ABCB4: variants seen among roughly 807,000 people sequenced by gnomAD.
ABCB4 encodes ATP binding cassette subfamily B member 4.
A neutral mutation model predicts 145.7 loss-of-function variants in ABCB4; 76 were observed. The ratio of observed to expected loss-of-function variants is 0.52; its 90% CI spans 0.43 to 0.63. The LOEUF (loss-of-function observed/expected upper bound fraction) is 0.63, where lower values mean the gene tolerates loss of function less well. Ranked by LOEUF, ABCB4 falls within the 30% of genes least tolerant of loss-of-function variation. The pLI, the probability that ABCB4 is intolerant of heterozygous loss-of-function variation, is 0.00. For missense variants in ABCB4, 1,234 were observed against 1,553.1 expected, an observed-to-expected ratio of 0.79 and a Z score of 3.45; for synonymous variants, 517 against 566.8, an observed-to-expected ratio of 0.91 and a Z score of 1.25.
chr7:87,402,768 G>A (rs775162536), intron 27 of ABCB4, among the ~76,000 whole-genome samples: 3 of 152,122 alleles, frequency 2.0e-5, no homozygotes, highest in East Asian at 3.9e-4. Context: ...TTGGGAGGCC[G>A]AGGCAGGCGG....
At chr7:87,422,371 C>T (rs773065702) in intron 17 of ABCB4, 146 bp from the exon 18 acceptor site, 45 of 711,194 alleles carry the variant, frequency 6.3e-5, no homozygotes, top group Non-Finnish European at 1.0e-4. Context: ...ATATACATAA[C>T]ACAAAATTTA....
the ABCB4 span, among the ~76,000 whole-genome samples, chr7:87,372,468 A>G: frequency 6.6e-6 from 1 of 152,156 alleles, no homozygotes; most frequent in African/African-American, 2.4e-5. Flanking sequence ...ATTCAAAGCC[A>G]CTCTTCCAGA....
chr7:87,433,911 T>C (rs1437637546), intron 14 of ABCB4, among the ~76,000 whole-genome samples: 1 of 151,668 alleles, frequency 6.6e-6, no homozygotes, highest in Middle Eastern at 3.4e-3. Flanking sequence ...TTTATAAAAA[T>C]CACCATAAAA....
the ABCB4 span, chr7:87,375,586 C>A: frequency 1.4e-6 from 2 of 1,443,304 alleles, no homozygotes; most frequent in Non-Finnish European, 1.9e-6. Context: ...AAAGTAGTTA[C>A]TTTCTGCCTG....
intron 14 of ABCB4, among the ~76,000 whole-genome samples, chr7:87,434,095 ATTTTT>A (rs756063095): frequency 2.5e-5 from 3 of 118,066 alleles, no homozygotes; most frequent in Non-Finnish European, 5.4e-5. Context: ...CACCTGGCTA[ATTTTT>A]TTTTTTTTTT....
In ABCB4 at chr7:87,402,187, A is replaced by C; in HGVS notation, c.3749T>G (p.Val1250Gly). 4 of 1,613,834 alleles carry C rather than the reference A, an allele frequency of 2.5e-6. No homozygotes were observed. The highest frequency in any genetic ancestry group is 2.5e-6 in the Non-Finnish European group (3 of 1,179,978). ...CTGCTGATGCGTGCCATGCTCCTTG[A>C]CTCTCCCATTCTGAAACACCACTAT... ...DLIVVFQNGR[V>G]KEHGTHQQLL... Residue 1250 changes from valine (V) to glycine (G), a missense_variant, in exon 28 of 28, where the codon GTC becomes GGC. Coordinates refer to ENST00000649586, the MANE Select transcript of ABCB4 (RefSeq NM_000443.4).
At position 87,406,475 on chromosome 7, in the gene ABCB4, G is replaced by A. The variant is rs1439704366; in HGVS notation, c.3299C>T (p.Ala1100Val). ...GAGCCACTGGACATTGAGTTTCTTT[G>A]CTTCTTGACCATCGAGAAGCTGAAA... is the stretch of plus-strand genomic sequence containing the variant. ...AGTVLLDGQE[A>V]KKLNVQWLRA... Residue 1100 changes from alanine to valine, a missense_variant, in exon 26 of 28, where the codon GCA becomes GTA. Coordinates refer to ENST00000649586, the MANE Select transcript of ABCB4 (RefSeq NM_000443.4). 9.3e-6 allele frequency: 15 copies of A among 1,613,698 alleles called. No homozygotes were observed. In the Admixed American group the frequency reaches 2.5e-4, roughly 27 times the overall value.
the ABCB4 span, among the ~76,000 whole-genome samples, chr7:87,388,218 C>T: frequency 9.9e-5 from 15 of 151,960 alleles, no homozygotes; most frequent in East Asian, 2.3e-3. Context: ...TTTATAGATT[C>T]GATGCTATCT....
chr7:87,474,244 T>G (rs541330439), intron 2 of ABCB4, among the ~76,000 whole-genome samples: 1 of 152,334 alleles, frequency 6.6e-6, no homozygotes, highest in East Asian at 1.9e-4. Context: ...ATGCCATCTA[T>G]TAATAGACTC....
chr7:87,438,372 C>G (rs1407674370), intron 14 of ABCB4, among the ~76,000 whole-genome samples: 1 of 152,066 alleles, frequency 6.6e-6, no homozygotes, highest in Admixed American at 6.6e-5. Flanking sequence ...TTAATATACA[C>G]AAAAGCAGTA....
chr7:87,373,862 G>A, the ABCB4 span, among the ~76,000 whole-genome samples: 179 of 152,192 alleles, frequency 1.2e-3, no homozygotes, highest in African/African-American at 4.1e-3. Context: ...CTTCAGTGAC[G>A]TATGGAGACG....
At chr7:87,382,915 A>G in the ABCB4 span, among the ~76,000 whole-genome samples, 1 of 152,222 alleles carries the variant, frequency 6.6e-6, no homozygotes, top group African/African-American at 2.4e-5. Context: ...TAGGAGCGAC[A>G]TTAATTTTGT....
the ABCB4 span, among the ~76,000 whole-genome samples, chr7:87,379,184 TA>T: frequency 1.3e-5 from 2 of 152,318 alleles, no homozygotes; most frequent in Non-Finnish European, 2.9e-5. Flanking sequence ...TGCAGTTGGT[TA>T]CCCTCTGCAT....
chr7:87,387,924 C>A, the ABCB4 span, among the ~76,000 whole-genome samples: 1 of 152,204 alleles, frequency 6.6e-6, no homozygotes, highest in Non-Finnish European at 1.5e-5. Context: ...TGCACTCCAG[C>A]CTGGGCGACA....
the ABCB4 span, chr7:87,375,680 T>C: frequency 1.9e-6 from 3 of 1,613,614 alleles, no homozygotes; most frequent in Non-Finnish European, 2.5e-6. Flanking sequence ...CTGATGGACC[T>C]GGGATTGCAG....
chr7:87,431,754 C>T (rs1283679989), intron 14 of ABCB4, among the ~76,000 whole-genome samples, 189 bp from the exon 15 acceptor site: 3 of 152,180 alleles, frequency 2.0e-5, no homozygotes, highest in African/African-American at 7.2e-5. Flanking sequence ...AGTTTGGGAC[C>T]AGACAAGTGG....
At chr7:87,466,972 T>G (rs1406477784) in intron 3 of ABCB4, among the ~76,000 whole-genome samples, 1 of 152,194 alleles carries the variant, frequency 6.6e-6, no homozygotes, top group Non-Finnish European at 1.5e-5. Flanking sequence ...CCATCAAGGC[T>G]AGGAAGAAAC....
rs1813615304 is a variant in ABCB4 at position 87,473,909 on chromosome 7, G to A, written c.81-1234C>T. 1.3e-5 allele frequency among the ~76,000 whole-genome samples: 2 copies of A among 152,168 alleles called. 1 individual carries two copies. The highest frequency in any genetic ancestry group is 4.1e-4 in the South Asian group (2 of 4,824). ...AAATATGTTCAAAAGAATGTGCCAT[G>A]GGCAATAGCAACATAATTAGAACAA... On this transcript the variant is annotated intron_variant, in intron 2 of 27. Coordinates refer to ENST00000649586, the MANE Select transcript of ABCB4 (RefSeq NM_000443.4).
the ABCB4 span, chr7:87,377,350 T>C: frequency 1.3e-6 from 2 of 1,583,808 alleles, no homozygotes; most frequent in Non-Finnish European, 1.7e-6. Context: ...TTATTTTAGA[T>C]TATTGCAGCC....
Sources: allele counts gnomAD v4.1 joint callset (sites outside exome capture counted in the v4.1 genomes callset), GRCh38; gene constraint gnomAD v4.1.1; transcripts MANE v1.5; gene names NCBI Gene and HGNC (gene_info 2026-07-23, HGNC 2026-07-21).